The following LIG3 variants were observed in gnomAD, a reference collection of about 807,000 sequenced individuals.
The protein encoded by LIG3 is DNA ligase 3, also known as ligase II, DNA, ATP-dependent.
A neutral mutation model predicts 110.9 loss-of-function variants in LIG3; 58 were observed. The observed-to-expected ratio is 0.52, with a 90% CI of 0.42 to 0.65. The LOEUF is 0.65. LIG3 is among the 30% of genes least tolerant of loss of function. LIG3 has a pLI of 0.00. For synonymous variants in LIG3, 422 were observed against 472.8 expected (o/e 0.89, Z 1.39); for missense variants, 1,094 against 1,273.8 (o/e 0.86, Z 2.15).
chr17:35,002,145 G>A (rs773432703), intron 18 of LIG3, 41 bp downstream of exon 18: 3 of 1,490,082 alleles, frequency 2.0e-6, no homozygotes, highest in South Asian at 2.8e-5. Context: ...AGAGGGCGGT[G>A]TGAGGGGCAG....
At chr17:35,003,785 C>G (rs2090870393) in intron 19 of LIG3, 1 of 162,136 alleles carries the variant, frequency 6.2e-6, no homozygotes, top group Non-Finnish European at 1.4e-5. Context: ...TCTCACAGCA[C>G]AAGGCCTGAA....
At position 34,991,739 on chromosome 17, in the gene LIG3, C is replaced by G; in HGVS notation, c.1110C>G (p.Ser370Arg). Reference protein sequence around the residue: ...QSKSFPPAAKSLLTIQEVDEF... With the variant: ...QSKSFPPAAKRLLTIQEVDEF... ...AGTCTTTCCCCCCAGCTGCCAAGAG[C>G]CTCCTTACCATCCAGGAAGTGGATG... The change falls in exon 6 of 20, where the codon AGC becomes AGG. Residue 370 changes from serine to arginine, a missense_variant. Coordinates refer to ENST00000378526, the MANE Select transcript of LIG3 (RefSeq NM_013975.4). 6.2e-7 allele frequency: 1 copy of G among 1,614,094 alleles called. No individual in the cohort carries two copies. The highest frequency in any genetic ancestry group is 8.5e-7 in the Non-Finnish European group (1 of 1,180,010).
chr17:34,999,546 A>G, intron 15 of LIG3, 97 bp downstream of exon 15: 1 of 1,458,076 alleles, frequency 6.9e-7, no homozygotes, highest in Non-Finnish European at 9.3e-7. Flanking sequence ...CTGTCTCCCC[A>G]GAAAGAAGGG....
rs1400894450 is a variant in LIG3 at position 35,007,265 on chromosome 17, A to G, written c.*2759A>G. The G allele has an allele frequency of 1.3e-5, 2 of 152,266 alleles. No individual in the cohort carries two copies. The highest frequency in any genetic ancestry group is 2.4e-5 in the African/African-American group (1 of 41,450). The allele number at this position is 152,266 out of a possible 1,614,324, so 9.4% of individuals were successfully genotyped here. ...GATCATCTTGTCCCTTCTCTGCCTTAGTGTGTGTTATTGCCATTTCAATGT... is the reference window on the plus strand; with the variant it reads ...GATCATCTTGTCCCTTCTCTGCCTTGGTGTGTGTTATTGCCATTTCAATGT... On this transcript the variant is annotated 3_prime_UTR_variant, in exon 20 of 20. Coordinates refer to ENST00000378526, the MANE Select transcript of LIG3 (RefSeq NM_013975.4).
chr17:34,983,629 C>G (rs939939945), intron 2 of LIG3, 77 bp downstream of exon 2: 43 of 1,372,072 alleles, frequency 3.1e-5, no homozygotes, highest in Non-Finnish European at 4.1e-5. Context: ...TGCTTTCTTT[C>G]TCTTTTTTTT....
intron 19 of LIG3, chr17:35,003,110 A>C: frequency 6.2e-7 from 1 of 1,608,472 alleles, no homozygotes. Context: ...CCCAAGTCAA[A>C]ATTTACATTA....
chr17:35,004,900 T>TC lies in LIG3; in HGVS notation c.*397dup. The TC allele has an allele frequency of 3.8e-6, 1 of 266,240 alleles. No individual in the cohort carries two copies. Among genetic ancestry groups the TC allele is most frequent in the South Asian group, 4.7e-5 (1 of 21,304 alleles). The allele number at this position is 266,240 out of a possible 1,614,324, so 16.5% of individuals were successfully genotyped here. On this transcript the variant is annotated 3_prime_UTR_variant, in exon 20 of 20. Transcript: ENST00000378526. Reference sequence around the variant, plus strand: ...GCAGCTCTGTCCACAAAGCCTTCTCTCCCATCCTTGCCTGTTCCTTTGTAC... The same window carrying TC: ...GCAGCTCTGTCCACAAAGCCTTCTCTCCCCATCCTTGCCTGTTCCTTTGTAC...
chr17:35,002,705 G>T lies in LIG3; in HGVS notation c.2712G>T (p.Val904=). The T allele has an allele frequency of 3.7e-6, 6 of 1,613,698 alleles. No individual in the cohort carries two copies. Among genetic ancestry groups the T allele is most frequent in the African/African-American group, 1.3e-5 (1 of 75,046 alleles). The part of the protein sequence containing the change: ...MQTAKPSAMK[V]GEKLATKSSP... ...CTGCAAAGCCTTCCGCTATGAAGGT[G>T]GGGGAGAAGCTGGCCACAAAGTCTT... is the stretch of plus-strand genomic sequence containing the variant. Residue 904 remains valine (V), a synonymous_variant, in exon 19 of 20, where the codon GTG becomes GTT. Coordinates refer to ENST00000378526, the MANE Select transcript of LIG3 (RefSeq NM_013975.4).
Position 35,002,725 on chromosome 17 carries a change from A to G in LIG3, c.2732A>G (p.Lys911Arg). ...AMKVGEKLAT[K>R]SSPVKVGEKR... ...AAGGTGGGGGAGAAGCTGGCCACAA[A>G]GTCTTCTCCAGTGAAAGTAGGGGAG... The change falls in exon 19 of 20, where the codon AAG (lysine) becomes AGG (arginine). Residue 911 changes from lysine (K) to arginine (R), a missense_variant. Lys to Arg is a conservative substitution (Grantham distance 26). Coordinates refer to ENST00000378526, the MANE Select transcript of LIG3 (RefSeq NM_013975.4). 1.9e-6 allele frequency: 3 copies of G among 1,613,174 alleles called. No individual in the cohort carries two copies. In the South Asian group the frequency reaches 3.3e-5, roughly 18 times the overall value.
chr17:34,996,306 A>G, intron 10 of LIG3, 111 bp downstream of exon 10: 1 of 1,276,746 alleles, frequency 7.8e-7, no homozygotes. Context: ...TGTGGCCCTT[A>G]TTCTTCGCTT....
intron 9 of LIG3, 150 bp from the exon 10 acceptor site, chr17:34,995,914 C>T (rs1011021131): frequency 4.7e-5 from 43 of 922,734 alleles, no homozygotes; most frequent in Non-Finnish European, 6.4e-5. Flanking sequence ...CCAGGTGGCT[C>T]GCAAGGCCTA....
chr17:34,997,572 G>T, intron 11 of LIG3, 166 bp from the exon 12 acceptor site: 1 of 594,078 alleles, frequency 1.7e-6, no homozygotes, highest in South Asian at 2.0e-5. Context: ...GGTCACGATG[G>T]AGCCCTTGTA....
chr17:34,998,798 G>T, intron 14 of LIG3, 71 bp downstream of exon 14: 1 of 1,538,724 alleles, frequency 6.5e-7, no homozygotes, highest in Non-Finnish European at 8.8e-7. Flanking sequence ...GGCTGGCCTT[G>T]TTACTGGCTT....
intron 16 of LIG3, 124 bp from the exon 17 acceptor site, chr17:35,001,133 T>C: frequency 1.0e-6 from 1 of 980,368 alleles, no homozygotes; most frequent in Non-Finnish European, 1.5e-6. Flanking sequence ...CTCAAACTCC[T>C]GACCTCAAGT....
At chr17:35,003,165 G>C in intron 19 of LIG3, 2 of 1,532,568 alleles carry the variant, frequency 1.3e-6, no homozygotes, top group African/African-American at 1.4e-5. Context: ...CATTGAGTTT[G>C]TGGTCAGGGT....
intron 9 of LIG3, among the ~76,000 whole-genome samples, chr17:34,995,451 C>T (rs907587808): frequency 6.6e-6 from 1 of 152,162 alleles, no homozygotes; most frequent in Non-Finnish European, 1.5e-5. Context: ...TTCCCTTACC[C>T]AGTATTCACT....
In LIG3 at chr17:35,009,361, C is replaced by CT. The variant is rs1346588520; in HGVS notation, c.*4856dup. 1 of 152,178 alleles carries CT rather than the reference C, an allele frequency of 6.6e-6. No individual in the cohort carries two copies. Among genetic ancestry groups the CT allele is most frequent in the Non-Finnish European group, 1.5e-5 (1 of 68,030 alleles). The allele number at this position is 152,178 out of a possible 1,614,324, so 9.4% of individuals were successfully genotyped here. A position where few individuals can be genotyped will look rare whatever the true frequency, so the allele number is the denominator to read the frequency against. On this transcript the variant is annotated 3_prime_UTR_variant, in exon 20 of 20. Transcript: ENST00000378526. ...AATGTATTATGAACCAGTCAGCTAT[C>CT]TGTCTTTTGAAACAAGTCTTAACTG...
At chr17:35,002,998 C>T (rs753303003) in intron 19 of LIG3, 22 of 1,614,110 alleles carry the variant, frequency 1.4e-5, no homozygotes, top group African/African-American at 2.7e-5. Flanking sequence ...CTTGCAGAGG[C>T]GGCCAGCCAG....
In LIG3 at chr17:35,009,339, G is replaced by A. The variant is rs1268623326; in HGVS notation, c.*4833G>A. The A allele has an allele frequency of 2.6e-5, 4 of 152,208 alleles. No individual in the cohort carries two copies. The highest frequency in any genetic ancestry group is 2.4e-5 in the African/African-American group (1 of 41,424). The allele number at this position is 152,208 out of a possible 1,614,324, so 9.4% of individuals were successfully genotyped here. On this transcript the variant is annotated 3_prime_UTR_variant, in exon 20 of 20. Transcript: ENST00000378526. ...TTAGTTTGGATCCAACTATTCCAAT[G>A]TATTATGAACCAGTCAGCTATCTGT...
Sources: gnomAD v4.1 joint callset for allele counts (sites outside exome capture counted in the v4.1 genomes callset) on GRCh38, gnomAD v4.1.1 for gene constraint, MANE v1.5 for transcripts, NCBI Gene and HGNC (gene_info 2026-07-23, HGNC 2026-07-21) for gene names.